The following MMP16 variants were observed in gnomAD, a reference collection of about 807,000 sequenced individuals.
MMP16 encodes the protein matrix metalloproteinase-16.
MMP16 carries 12 observed loss-of-function variants against 67.8 expected under a neutral mutation model. The observed-to-expected ratio is 0.18, with a 90% CI of 0.11 to 0.29. The LOEUF (loss-of-function observed/expected upper bound fraction) is 0.29, where lower values mean the gene tolerates loss of function less well. MMP16 is among the 10% of genes least tolerant of loss of function. The pLI, the probability that MMP16 is intolerant of heterozygous loss-of-function variation, is 1.00. For missense variants in MMP16, 475 were observed against 765.7 expected (o/e 0.62, Z 4.48); for synonymous variants, 249 against 255.9 (o/e 0.97, Z 0.26).
chr8:88,137,326 A>C (rs1808137410), intron 4 of MMP16, among the ~76,000 whole-genome samples: 1 of 151,920 alleles, frequency 6.6e-6, no homozygotes, highest in African/African-American at 2.4e-5. Context: ...AAACCCAAAC[A>C]CTTCTGGTCC....
intron 7 of MMP16, among the ~76,000 whole-genome samples, chr8:88,060,337 C>T (rs1443707169): frequency 2.0e-5 from 3 of 152,168 alleles, no homozygotes; most frequent in Middle Eastern, 3.4e-3. Flanking sequence ...TTTCCTTTCT[C>T]GTTTTCCTGT....
In MMP16 at chr8:88,037,266, G is replaced by C. The variant is rs556536182; in HGVS notation, c.*4195C>G. 4 of 151,386 alleles carry C rather than the reference G, an allele frequency of 2.6e-5. No individual in the cohort carries two copies. The East Asian group carries it at 7.8e-4, about 29-fold the overall frequency. 9.4% of individuals were successfully genotyped at this position (151,386 alleles called of 1,614,324 possible). A position where few individuals can be genotyped will look rare whatever the true frequency, so the allele number is the denominator to read the frequency against. On this transcript the variant is annotated 3_prime_UTR_variant, in exon 10 of 10. Coordinates refer to ENST00000286614, the MANE Select transcript of MMP16 (RefSeq NM_005941.5). Reference sequence around the variant, plus strand: ...ACATTGTGTTTTTTAATGACCCACAGAGAGGGAATGAAAATAGGTACACAG... The same window carrying C: ...ACATTGTGTTTTTTAATGACCCACACAGAGGGAATGAAAATAGGTACACAG...
chr8:88,289,469 GA>G (rs1192851110), intron 1 of MMP16, among the ~76,000 whole-genome samples: 1 of 152,128 alleles, frequency 6.6e-6, no homozygotes, highest in Non-Finnish European at 1.5e-5. Flanking sequence ...TTGTGAGGAA[GA>G]AAAGAGCAAT....
chr8:88,243,704 A>G (rs2129906727), intron 1 of MMP16, among the ~76,000 whole-genome samples: 1 of 152,268 alleles, frequency 6.6e-6, no homozygotes, highest in South Asian at 2.1e-4. Flanking sequence ...AGAAGGCCCA[A>G]ATCCTTCAGT....
At chr8:88,277,948 A>T (rs963067728) in intron 1 of MMP16, among the ~76,000 whole-genome samples, 3 of 152,228 alleles carry the variant, frequency 2.0e-5, no homozygotes, top group Non-Finnish European at 4.4e-5. Flanking sequence ...GATCTTCTCC[A>T]GCACTACTGA....
chr8:88,120,025 A>G (rs1206248915), intron 4 of MMP16, among the ~76,000 whole-genome samples: 1 of 151,994 alleles, frequency 6.6e-6, no homozygotes, highest in African/African-American at 2.4e-5. Flanking sequence ...AGTCTGTCAC[A>G]GAGGAATAGA....
intron 6 of MMP16, among the ~76,000 whole-genome samples, chr8:88,086,829 C>G (rs956701196): frequency 1.3e-5 from 2 of 151,870 alleles, no homozygotes; most frequent in African/African-American, 2.4e-5. Flanking sequence ...CCATTGTTCT[C>G]TGAAATTACC....
Position 88,150,973 on chromosome 8 carries a change from A to G in MMP16, c.709+16696T>C, listed in dbSNP as rs1372433620. ...GTGCTGTATTCAGGAAACCCATCTC[A>G]CGTGCAGAGACACACATAGGTTCAA... is the stretch of plus-strand genomic sequence containing the variant. On this transcript the variant is annotated intron_variant, in intron 4 of 9. Transcript: ENST00000286614. Among the ~76,000 whole-genome samples, 10 of 141,278 alleles carry G rather than the reference A, an allele frequency of 7.1e-5. No individual in the cohort carries two copies. In the East Asian group the frequency reaches 2.1e-3, roughly 30 times the overall value. The allele number at this position is 141,278 out of a possible 152,430, so 92.7% of individuals were successfully genotyped here.
intron 1 of MMP16, among the ~76,000 whole-genome samples, chr8:88,316,187 C>T (rs1811372356): frequency 6.6e-6 from 1 of 152,160 alleles, no homozygotes; most frequent in African/African-American, 2.4e-5. Context: ...AGTAGCAGTG[C>T]TGATGAAGAA....
At chr8:88,267,920 A>G (rs1810500194) in intron 1 of MMP16, among the ~76,000 whole-genome samples, 1 of 152,222 alleles carries the variant, frequency 6.6e-6, no homozygotes, top group Non-Finnish European at 1.5e-5. Context: ...GAAGTGGTCA[A>G]AACAAAGAAA....
intron 1 of MMP16, among the ~76,000 whole-genome samples, chr8:88,246,095 G>T (rs1264480699): frequency 6.6e-6 from 1 of 152,054 alleles, no homozygotes; most frequent in Non-Finnish European, 1.5e-5. Flanking sequence ...ACACAGGCTA[G>T]GTTAAAATCC....
intron 6 of MMP16, among the ~76,000 whole-genome samples, chr8:88,078,623 G>C (rs1467705690): frequency 2.6e-5 from 4 of 151,952 alleles, no homozygotes; most frequent in African/African-American, 9.7e-5. Flanking sequence ...GGCTGCAGTG[G>C]GCCGAGATTG....
At chr8:88,314,644 T>C (rs1242385420) in intron 1 of MMP16, among the ~76,000 whole-genome samples, 1 of 152,180 alleles carries the variant, frequency 6.6e-6, no homozygotes, top group African/African-American at 2.4e-5. Flanking sequence ...CCCTTTGCCC[T>C]AAGAAGTATG....
chr8:88,087,860 C>T (rs1430973237), intron 6 of MMP16, among the ~76,000 whole-genome samples: 1 of 151,332 alleles, frequency 6.6e-6, no homozygotes, highest in Non-Finnish European at 1.5e-5. Flanking sequence ...GGGAGAATTG[C>T]TTAAACCTGG....
At chr8:88,259,798 C>G (rs945215332) in intron 1 of MMP16, among the ~76,000 whole-genome samples, 1 of 152,048 alleles carries the variant, frequency 6.6e-6, no homozygotes, top group Non-Finnish European at 1.5e-5. Flanking sequence ...ACATGTTGGT[C>G]CCATCACTCA....
At chr8:88,301,959 A>G (rs1811110872) in intron 1 of MMP16, among the ~76,000 whole-genome samples, 1 of 152,222 alleles carries the variant, frequency 6.6e-6, no homozygotes, top group African/African-American at 2.4e-5. Context: ...TCAGTCACAT[A>G]TATCAGTGAT....
chr8:88,177,190 G>A (rs982453065), intron 3 of MMP16, among the ~76,000 whole-genome samples: 6 of 152,076 alleles, frequency 3.9e-5, no homozygotes, highest in African/African-American at 1.4e-4. Context: ...TGCTTTTTAT[G>A]TGGGCACATG....
chr8:88,082,775 T>A (rs1489143411), intron 6 of MMP16, among the ~76,000 whole-genome samples: 1 of 151,766 alleles, frequency 6.6e-6, no homozygotes, highest in Non-Finnish European at 1.5e-5. Context: ...GTGCATGTTT[T>A]ATTTTTTTTT....
At position 88,311,779 on chromosome 8, in the gene MMP16, G is replaced by A. The variant is rs767955364; in HGVS notation, c.132+15296C>T. ...TACTAGATCACAGTGAGCAGAAGATGAACTCTGAGCTACAGGGCTAGAGAA... is the reference window on the plus strand; with the variant it reads ...TACTAGATCACAGTGAGCAGAAGATAAACTCTGAGCTACAGGGCTAGAGAA... On this transcript the variant is annotated intron_variant, in intron 1 of 9. Coordinates refer to ENST00000286614, the MANE Select transcript of MMP16 (RefSeq NM_005941.5). Among the ~76,000 whole-genome samples, 3 of 152,096 alleles carry A rather than the reference G, an allele frequency of 2.0e-5. No individual in the cohort carries two copies. The East Asian group carries it at 5.8e-4, about 29-fold the overall frequency.
Sources: allele counts gnomAD v4.1 joint callset (sites outside exome capture counted in the v4.1 genomes callset), GRCh38; gene constraint gnomAD v4.1.1; transcripts MANE v1.5; gene names NCBI Gene and HGNC (gene_info 2026-07-23, HGNC 2026-07-21).